Variants in CHD1 observed in about 807,000 individuals in gnomAD.
The protein encoded by CHD1 is ATP-dependent chromatin remodeler CHD1.
In CHD1, 36 loss-of-function variants were observed where a neutral mutation model predicts 224.2. The observed-to-expected ratio is 0.16, with a 90% CI of 0.12 to 0.21. The LOEUF (loss-of-function observed/expected upper bound fraction) is 0.21. CHD1 is among the 10% of genes least tolerant of loss of function. The probability of loss-of-function intolerance (pLI) is 1.00; values close to 1 mark genes in which losing one functional copy is unlikely to be tolerated. For synonymous variants in CHD1, 668 were observed against 658.3 expected (o/e 1.01, Z -0.23); for missense variants, 1,378 against 1,994.8 (o/e 0.69, Z 5.89).
Position 98,855,132 on chromosome 5 carries a change from A to G in CHD1, c.*1248T>C, listed in dbSNP as rs1164132955. ...CAAAATGTTACTTAAAAACGGGGGT[A>G]GGGGGCGGTGGTGGTGGTGGTAAGT... On this transcript the variant is annotated 3_prime_UTR_variant, in exon 36 of 36. Coordinates refer to ENST00000614616, the MANE Select transcript of CHD1 (RefSeq NM_001270.4). 6.6e-6 allele frequency: 1 copy of G among 152,556 alleles called. No individual in the cohort carries two copies. The highest frequency in any genetic ancestry group is 1.9e-4 in the East Asian group (1 of 5,198). The allele number at this position is 152,556 out of a possible 1,614,324, so 9.5% of individuals were successfully genotyped here. A position where few individuals can be genotyped will look rare whatever the true frequency, so the allele number is the denominator to read the frequency against.
intron 1 of CHD1, among the ~76,000 whole-genome samples, chr5:98,926,918 T>TG (rs34603767): frequency 0.059 from 3,535 of 59,630 alleles, 114 homozygotes; most frequent in East Asian, 0.18. Flanking sequence ...ATAAATGAAG[T>TG]GGGGGGGGGG....
chr5:98,863,444 T>G lies in CHD1; in HGVS notation c.4391A>C (p.Glu1464Ala). ...IGDHITECLK[E>A]YTNPEQIKQW... is the part of the protein sequence containing the mutation. ...CTTAATTTGTTCAGGATTTGTATAC[T>G]CTTTTAGACATTCTGTGATATGGTC... Residue 1464 changes from glutamate (E) to alanine (A), a missense_variant, in exon 32 of 36, where the codon GAG becomes GCG. Transcript: ENST00000614616. 1.3e-6 allele frequency: 2 copies of G among 1,587,710 alleles called. No individual in the cohort carries two copies. The highest frequency in any genetic ancestry group is 8.6e-7 in the Non-Finnish European group (1 of 1,168,160).
At chr5:98,910,123 G>C (rs986108345) in intron 2 of CHD1, among the ~76,000 whole-genome samples, 3 of 152,104 alleles carry the variant, frequency 2.0e-5, no homozygotes, top group African/African-American at 7.2e-5. Flanking sequence ...GAATGAGCTA[G>C]GATGTGTGTA....
In CHD1 at chr5:98,901,282, G is replaced by A. The variant is rs1303233349; in HGVS notation, c.491C>T (p.Ser164Leu). 1 of 1,613,682 alleles carries A rather than the reference G, an allele frequency of 6.2e-7. No homozygotes were observed. The highest frequency in any genetic ancestry group is 8.5e-7 in the Non-Finnish European group (1 of 1,179,884). Residue 164 changes from serine to leucine, a missense_variant, in exon 6 of 36, where the codon TCA becomes TTA. This residue lies in a region of CHD1 where 306 missense variants were observed against 298.1 expected (regional missense o/e 1.03). Transcript: ENST00000614616. The stretch of plus-strand genomic sequence containing the variant: ...TTTCTCTCTCTCTTCTTCAGATTCT[G>A]AATCTGAACCAGACTGAGATGGAGA... Reference protein sequence around the residue: ...SGSPSQSGSDSESEEEREKSS... With the variant: ...SGSPSQSGSDLESEEEREKSS...
intron 2 of CHD1, among the ~76,000 whole-genome samples, chr5:98,918,883 A>C (rs1417245677): frequency 6.6e-6 from 1 of 152,212 alleles, no homozygotes; most frequent in African/African-American, 2.4e-5. Context: ...ATGCTATGAA[A>C]ACTTTCCAAA....
chr5:98,856,742 G>A lies in CHD1; in HGVS notation c.4788-17C>T, dbSNP rs1461423620. 1 of 1,457,452 alleles carries A rather than the reference G, an allele frequency of 6.9e-7. No individual in the cohort carries two copies. Among genetic ancestry groups the A allele is most frequent in the Admixed American group, 2.0e-5 (1 of 50,250 alleles). 90.3% of individuals were successfully genotyped at this position (1,457,452 alleles called of 1,614,324 possible). A position where few individuals can be genotyped will look rare whatever the true frequency, so the allele number is the denominator to read the frequency against. On this transcript the variant is annotated splice_polypyrimidine_tract_variant and intron_variant, in intron 35 of 35. Transcript: ENST00000614616. ...CTGTAATATCTAATAAAGAAAAATTGAGAATTTTAGACAAATCATGCAAAT... is the reference window on the plus strand; with the variant it reads ...CTGTAATATCTAATAAAGAAAAATTAAGAATTTTAGACAAATCATGCAAAT...
chr5:98,917,453 CTCTT>C (rs1752811454), intron 2 of CHD1, among the ~76,000 whole-genome samples: 1 of 152,122 alleles, frequency 6.6e-6, no homozygotes, highest in African/African-American at 2.4e-5. Context: ...AGACTTTTAT[CTCTT>C]TCTTGATTAT....
rs1045357502 is a variant in CHD1, at chr5:98,854,840, T to C, written c.*1540A>G. The stretch of plus-strand genomic sequence containing the variant: ...TCCACATACTTATATTCGTCAAAGA[T>C]TCAAATTTGTTACATCAAAGCATAC... On this transcript the variant is annotated 3_prime_UTR_variant, in exon 36 of 36. Transcript: ENST00000614616. 2.0e-5 allele frequency: 3 copies of C among 152,158 alleles called. No homozygotes were observed. Among genetic ancestry groups the C allele is most frequent in the Non-Finnish European group, 2.9e-5 (2 of 68,024 alleles). The allele number at this position is 152,158 out of a possible 1,614,324, so 9.4% of individuals were successfully genotyped here.
At chr5:98,882,268 A>G in intron 19 of CHD1, 145 bp from the exon 20 acceptor site, 1 of 606,840 alleles carries the variant, frequency 1.6e-6, no homozygotes, top group South Asian at 2.7e-5. Flanking sequence ...TTTAAAAAAC[A>G]TGTTTAAAGC....
intron 7 of CHD1, 41 bp downstream of exon 7, chr5:98,900,770 T>A (rs1162913056): frequency 1.9e-6 from 3 of 1,561,182 alleles, no homozygotes; most frequent in Non-Finnish European, 2.6e-6. Flanking sequence ...CTGTAAATAT[T>A]ATTTAAATAA....
At position 98,868,561 on chromosome 5, in the gene CHD1, C is replaced by T. The variant is rs543223597; in HGVS notation, c.4182G>A (p.Thr1394=). The change falls in exon 31 of 36, where the codon ACG becomes ACA. Residue 1394 remains threonine (T), a synonymous_variant. Coordinates refer to ENST00000614616, the MANE Select transcript of CHD1 (RefSeq NM_001270.4). The stretch of plus-strand genomic sequence containing the variant: ...AAATGGGAACTGGTTCACCACTTGC[C>T]GTGATATGAACTGGAGCATCTGACA... The part of the protein sequence containing the change: ...SSVSDAPVHI[T]ASGEPVPISE... 2.1e-5 allele frequency: 34 copies of T among 1,612,504 alleles called. 1 individual carries two copies. The highest frequency in any genetic ancestry group is 2.9e-5 in the Non-Finnish European group (34 of 1,179,598).
chr5:98,882,531 G>C (rs192555735), intron 19 of CHD1, among the ~76,000 whole-genome samples: 10 of 151,872 alleles, frequency 6.6e-5, no homozygotes, highest in Non-Finnish European at 7.4e-5. Context: ...AAGTTAATAA[G>C]AAACCCACCA....
intron 2 of CHD1, among the ~76,000 whole-genome samples, chr5:98,922,920 C>T (rs180847312): frequency 2.0e-5 from 3 of 152,030 alleles, no homozygotes; most frequent in East Asian, 3.9e-4. Flanking sequence ...ACTCGGTAGG[C>T]GGAGGATGCA....
intron 2 of CHD1, among the ~76,000 whole-genome samples, chr5:98,922,179 TAAA>T (rs1281302958): frequency 2.0e-5 from 3 of 151,280 alleles, no homozygotes; most frequent in Non-Finnish European, 4.4e-5. Flanking sequence ...ACACACACAC[TAAA>T]AAAAAGTCTA....
intron 17 of CHD1, 122 bp downstream of exon 17, chr5:98,887,966 T>C (rs1388246080): frequency 1.5e-5 from 8 of 546,150 alleles, no homozygotes; most frequent in Non-Finnish European, 2.0e-5. Context: ...ATACATCTTT[T>C]TAAAGAAAAA....
At chr5:98,887,605 T>C (rs923060679) in intron 17 of CHD1, among the ~76,000 whole-genome samples, 2 of 152,162 alleles carry the variant, frequency 1.3e-5, no homozygotes, top group African/African-American at 2.4e-5. Context: ...TTTGAATAGA[T>C]GGAAGGGAAT....
At chr5:98,893,372 C>T (rs1751143272) in intron 14 of CHD1, 44 bp downstream of exon 14, 1 of 1,358,020 alleles carries the variant, frequency 7.4e-7, no homozygotes, top group African/African-American at 1.5e-5. Flanking sequence ...TCCCACTAAA[C>T]ATAATATCCA....
intron 26 of CHD1, among the ~76,000 whole-genome samples, chr5:98,873,346 TA>T (rs1749506770): frequency 6.6e-6 from 1 of 152,156 alleles, no homozygotes; most frequent in Admixed American, 6.5e-5. Context: ...TGTGTGTGTA[TA>T]AAACAGTAAT....
chr5:98,858,534 G>A (rs1580341386), intron 34 of CHD1, 144 bp from the exon 35 acceptor site: 3 of 644,452 alleles, frequency 4.7e-6, no homozygotes, highest in Non-Finnish European at 8.1e-6. Context: ...ATTTAGAAAT[G>A]GTGTATAAAA....
Sources: allele counts gnomAD v4.1 joint callset (sites outside exome capture counted in the v4.1 genomes callset), GRCh38; gene constraint gnomAD v4.1.1; regional missense constraint gnomAD v4.1.1; transcripts MANE v1.5; gene names NCBI Gene and HGNC (gene_info 2026-07-23, HGNC 2026-07-21).